KCTD16: variants seen among roughly 807,000 people sequenced by gnomAD.
KCTD16 encodes BTB/POZ domain-containing protein KCTD16.
In KCTD16, 13 loss-of-function variants were observed where a neutral mutation model predicts 33.2. The observed-to-expected ratio is 0.39, with a 90% CI of 0.25 to 0.62. The LOEUF (loss-of-function observed/expected upper bound fraction) is 0.62, where lower values mean the gene tolerates loss of function less well. Among genes scored for constraint, KCTD16 ranks in the 20% least tolerant of loss-of-function variants. The pLI, the probability that KCTD16 is intolerant of heterozygous loss-of-function variation, is 0.50. For missense variants in KCTD16, 441 were observed against 525.1 expected, an observed-to-expected ratio of 0.84 and a Z score of 1.57; for synonymous variants, 197 against 195.3, an observed-to-expected ratio of 1.01 and a Z score of -0.07.
Position 144,218,938 on chromosome 5 carries a change from A to T in KCTD16, c.832+11392A>T, listed in dbSNP as rs963962814. On this transcript the variant is annotated intron_variant, in intron 3 of 3. Transcript: ENST00000512467. ...TACTTTCTAATCACTTTTAATCACGAATATACCCCATGAGTGACAGTAAAA... is the reference window on the plus strand; with the variant it reads ...TACTTTCTAATCACTTTTAATCACGTATATACCCCATGAGTGACAGTAAAA... Among the ~76,000 whole-genome samples, 8 of 152,262 alleles carry T rather than the reference A, an allele frequency of 5.3e-5. 1 individual carries two copies. In the East Asian group the frequency reaches 1.3e-3, roughly 26 times the overall value.
chr5:144,187,440 A>G (rs974967464), intron 2 of KCTD16, among the ~76,000 whole-genome samples: 3 of 152,176 alleles, frequency 2.0e-5, no homozygotes, highest in Non-Finnish European at 4.4e-5. Context: ...ACACACACAC[A>G]CACACATATA....
At chr5:144,367,904 G>A (rs1362456569) in intron 3 of KCTD16, among the ~76,000 whole-genome samples, 2 of 150,428 alleles carry the variant, frequency 1.3e-5, no homozygotes, top group African/African-American at 2.5e-5. Flanking sequence ...AGAACATGCA[G>A]TATTCAGTTT....
intron 3 of KCTD16, among the ~76,000 whole-genome samples, chr5:144,223,505 T>C (rs1011782937): frequency 6.6e-6 from 1 of 152,168 alleles, no homozygotes; most frequent in Non-Finnish European, 1.5e-5. Context: ...AAGATATGGG[T>C]ACATTTGGAT....
At chr5:144,173,958 T>C (rs1752448055) in intron 1 of KCTD16, among the ~76,000 whole-genome samples, 1 of 151,678 alleles carries the variant, frequency 6.6e-6, no homozygotes, top group Non-Finnish European at 1.5e-5. Flanking sequence ...CAGAAAGTTA[T>C]ATTAAAGGAG....
intron 3 of KCTD16, among the ~76,000 whole-genome samples, chr5:144,442,479 G>A (rs202144603): frequency 1.2e-5 from 1 of 86,798 alleles, no homozygotes; most frequent in Non-Finnish European, 2.6e-5. Flanking sequence ...CTTTCTTTCT[G>A]TCGTTCTTTC....
chr5:144,404,388 A>T (rs940535488), intron 3 of KCTD16, among the ~76,000 whole-genome samples: 1 of 152,158 alleles, frequency 6.6e-6, no homozygotes, highest in Admixed American at 6.5e-5. Flanking sequence ...TTCCCTATAT[A>T]CTGAATGCTT....
chr5:144,205,668 A>G, intron 2 of KCTD16: 1 of 398,502 alleles, frequency 2.5e-6, no homozygotes, highest in East Asian at 3.6e-5. Context: ...GATCCTTTCC[A>G]AAGATTTCTT....
chr5:144,381,596 A>G (rs1467246243), intron 3 of KCTD16, among the ~76,000 whole-genome samples: 1 of 152,072 alleles, frequency 6.6e-6, no homozygotes, highest in Non-Finnish European at 1.5e-5. Flanking sequence ...AGTGAGAAAG[A>G]GTGGAGGGGG....
At chr5:144,337,710 C>G (rs529123993) in intron 3 of KCTD16, among the ~76,000 whole-genome samples, 1 of 152,306 alleles carries the variant, frequency 6.6e-6, no homozygotes, top group Non-Finnish European at 1.5e-5. Context: ...CTTTACTCAA[C>G]TCTCGACAAG....
At chr5:144,423,993 G>C (rs1480541287) in intron 3 of KCTD16, among the ~76,000 whole-genome samples, 2 of 152,082 alleles carry the variant, frequency 1.3e-5, no homozygotes, top group Non-Finnish European at 2.9e-5. Context: ...GATAAGCAAA[G>C]AAAGTCCTCA....
At chr5:144,229,997 C>T (rs1754052347) in intron 3 of KCTD16, among the ~76,000 whole-genome samples, 1 of 152,124 alleles carries the variant, frequency 6.6e-6, no homozygotes, top group African/African-American at 2.4e-5. Flanking sequence ...CAAAAATCAG[C>T]TGGACATGGT....
chr5:144,328,997 C>T (rs1391584647), intron 3 of KCTD16, among the ~76,000 whole-genome samples: 2 of 151,860 alleles, frequency 1.3e-5, no homozygotes, highest in African/African-American at 2.4e-5. Context: ...TAAATATGAT[C>T]ACCCATCTAT....
At chr5:144,204,140 C>A (rs1161718226) in intron 2 of KCTD16, among the ~76,000 whole-genome samples, 1 of 152,178 alleles carries the variant, frequency 6.6e-6, no homozygotes, top group Non-Finnish European at 1.5e-5. Flanking sequence ...CTAATTTATC[C>A]TACTGTTGAG....
intron 3 of KCTD16, among the ~76,000 whole-genome samples, chr5:144,390,044 A>AAAACTTCTTT (rs1407437548): frequency 2.0e-5 from 3 of 152,210 alleles, no homozygotes; most frequent in Non-Finnish European, 4.4e-5. Flanking sequence ...TCATATTTCA[A>AAAACTTCTTT]AAACTTCTTT....
intron 3 of KCTD16, among the ~76,000 whole-genome samples, chr5:144,393,474 C>T (rs1752495728): frequency 6.6e-6 from 1 of 152,098 alleles, no homozygotes; most frequent in Admixed American, 6.5e-5. Context: ...TGTCATACTA[C>T]TCAACCCCTA....
chr5:144,226,248 C>G (rs1311334602), intron 3 of KCTD16, among the ~76,000 whole-genome samples: 3 of 152,072 alleles, frequency 2.0e-5, no homozygotes, highest in African/African-American at 4.8e-5. Flanking sequence ...GATTATTTCC[C>G]CTATTTTACA....
chr5:144,346,290 G>A (rs1469085332), intron 3 of KCTD16, among the ~76,000 whole-genome samples: 3 of 152,076 alleles, frequency 2.0e-5, no homozygotes, highest in African/African-American at 7.2e-5. Flanking sequence ...CAAACCTTAG[G>A]TATTGAAAGC....
chr5:144,417,520 C>T (rs1350832183), intron 3 of KCTD16, among the ~76,000 whole-genome samples: 2 of 152,076 alleles, frequency 1.3e-5, no homozygotes, highest in Admixed American at 1.3e-4. Flanking sequence ...AAAAAATTAT[C>T]AGATAGATGA....
chr5:144,338,489 A>G (rs144953901), intron 3 of KCTD16, among the ~76,000 whole-genome samples: 1 of 152,314 alleles, frequency 6.6e-6, no homozygotes, highest in East Asian at 1.9e-4. Context: ...ATCATAGTAG[A>G]CATTCAATAT....
Sources: allele counts gnomAD v4.1 joint callset (sites outside exome capture counted in the v4.1 genomes callset), GRCh38; gene constraint gnomAD v4.1.1; transcripts MANE v1.5; gene names NCBI Gene and HGNC (gene_info 2026-07-23, HGNC 2026-07-21).